Variants in PCDHA5 observed in about 807,000 individuals in gnomAD.
The protein encoded by PCDHA5 is protocadherin alpha 5, also known as protocadherin alpha-5.
Under a neutral mutation model 61.6 loss-of-function variants are expected in PCDHA5, and 43 were observed. The observed-to-expected ratio is 0.70, with a 90% CI of 0.55 to 0.90. The LOEUF (loss-of-function observed/expected upper bound fraction) is 0.90, where lower values mean the gene tolerates loss of function less well. Among genes scored for constraint, PCDHA5 ranks in the 40% least tolerant of loss-of-function variants. The pLI, the probability that PCDHA5 is intolerant of heterozygous loss-of-function variation, is 0.00. For missense variants in PCDHA5, 1,298 were observed against 1,222.7 expected (o/e 1.06, Z -0.92); for synonymous variants, 627 against 543.9 (o/e 1.15, Z -2.13).
chr5:140,875,694 T>C, intron 1 of PCDHA5: 1 of 1,614,008 alleles, frequency 6.2e-7, no homozygotes, highest in South Asian at 1.1e-5. Flanking sequence ...ACGGGGACCT[T>C]CTGGAGGTAA....
intron 1 of PCDHA5, among the ~76,000 whole-genome samples, chr5:140,837,580 TTGTAAATCGCCAA>T (rs1410482182): frequency 1.4e-4 from 22 of 151,942 alleles, no homozygotes; most frequent in Admixed American, 1.1e-3. Context: ...AATCACCAAA[TTGTAAATCGCCAA>T]TATATATATT....
chr5:140,892,218 T>C (rs182162644), intron 1 of PCDHA5, among the ~76,000 whole-genome samples: 23 of 152,308 alleles, frequency 1.5e-4, no homozygotes, highest in Admixed American at 1.4e-3. Context: ...ATTGTATCTT[T>C]ATGGTGTTTT....
chr5:140,937,868 C>T (rs1433466146), intron 1 of PCDHA5, among the ~76,000 whole-genome samples: 2 of 150,648 alleles, frequency 1.3e-5, no homozygotes, highest in Admixed American at 6.6e-5. Context: ...GCCGAGATCG[C>T]GCCACTGCAC....
chr5:140,978,103 A>T (rs2096789005), intron 1 of PCDHA5, among the ~76,000 whole-genome samples: 1 of 152,106 alleles, frequency 6.6e-6, no homozygotes, highest in South Asian at 2.1e-4. Context: ...AACTCCCCCA[A>T]CAGTCTTTAA....
rs2150125667 is a variant in PCDHA5 at position 140,823,416 on chromosome 5, C to A, written c.1641C>A (p.Asn547Lys). 4 of 1,613,276 alleles carry A rather than the reference C, an allele frequency of 2.5e-6. No individual in the cohort carries two copies. The highest frequency in any genetic ancestry group is 3.4e-6 in the Non-Finnish European group (4 of 1,179,816). Residue 547 changes from asparagine (N) to lysine (K), a missense_variant, in exon 1 of 4, where the codon AAC becomes AAA. Asn to Lys is a moderately conservative substitution (Grantham distance 94, BLOSUM62 0). Transcript: ENST00000529859. ...RDAGVPPLGSNVTLQVFVLDE... is the reference protein window; with the variant it reads ...RDAGVPPLGSKVTLQVFVLDE... ...CGGGCGTGCCGCCTCTGGGCAGCAA[C>A]GTGACGCTGCAGGTGTTCGTGCTGG...
At chr5:140,859,044 G>C (rs1228604447) in intron 1 of PCDHA5, 6 of 150,376 alleles carry the variant, frequency 4.0e-5, no homozygotes, top group Non-Finnish European at 7.4e-5. Context: ...CTTTAAAAAC[G>C]TTTTCCATTT....
intron 1 of PCDHA5, among the ~76,000 whole-genome samples, chr5:140,946,530 C>T (rs2093957873): frequency 6.6e-6 from 1 of 150,514 alleles, no homozygotes; most frequent in African/African-American, 2.5e-5. Context: ...CTCCCATGTT[C>T]ATTGCAGCAT....
At chr5:140,996,811 A>G (rs2097746792) in intron 3 of PCDHA5, among the ~76,000 whole-genome samples, 1 of 152,212 alleles carries the variant, frequency 6.6e-6, no homozygotes, top group African/African-American at 2.4e-5. Flanking sequence ...ATGCTTTCCA[A>G]AAGTAACCAC....
At chr5:140,838,902 A>G (rs1775938113) in intron 1 of PCDHA5, among the ~76,000 whole-genome samples, 1 of 152,028 alleles carries the variant, frequency 6.6e-6, no homozygotes, top group Non-Finnish European at 1.5e-5. Context: ...GTGACAGAGC[A>G]ATACCTTGCC....
intron 1 of PCDHA5, chr5:140,858,154 C>G (rs781842183): frequency 1.3e-6 from 2 of 1,597,814 alleles, no homozygotes; most frequent in African/African-American, 1.3e-5. Context: ...TCATCGCCAT[C>G]TGCGCGGTGT....
chr5:140,877,014 C>T, intron 1 of PCDHA5: 4 of 1,612,440 alleles, frequency 2.5e-6, no homozygotes, highest in Non-Finnish European at 2.5e-6. Flanking sequence ...ACGCGGAGAG[C>T]GGCAAGGTGT....
chr5:140,969,095 C>T, intron 1 of PCDHA5: 1 of 1,614,168 alleles, frequency 6.2e-7, no homozygotes, highest in East Asian at 2.2e-5. Flanking sequence ...AGTGCAGCCT[C>T]ACTTCATTGA....
chr5:140,911,033 G>A lies in PCDHA5; in HGVS notation c.2353-67916G>A, dbSNP rs188656147. 2.0e-3 allele frequency among the ~76,000 whole-genome samples: 306 copies of A among 152,188 alleles called. 2 individuals are homozygous for A. The highest frequency in any genetic ancestry group is 7.0e-3 in the African/African-American group (291 of 41,532). On this transcript the variant is annotated intron_variant, in intron 1 of 3. Transcript: ENST00000529859. ...GGACTTTAGTCTAGTTATAGGTCTA[G>A]AAGCAAACAGGGGTGGTGGGGGGTG...
intron 1 of PCDHA5, chr5:140,868,109 A>G (rs1371639409): frequency 6.6e-6 from 1 of 152,124 alleles, no homozygotes; most frequent in Non-Finnish European, 1.5e-5. Flanking sequence ...AATTTATTTT[A>G]TAGTTGAAAA....
At chr5:140,832,758 A>G (rs1554133636) in intron 1 of PCDHA5, among the ~76,000 whole-genome samples, 1 of 152,224 alleles carries the variant, frequency 6.6e-6, no homozygotes, top group Non-Finnish European at 1.5e-5. Flanking sequence ...AGTAAAAGCA[A>G]GAATATTGTA....
intron 3 of PCDHA5, among the ~76,000 whole-genome samples, chr5:140,998,111 T>A (rs1224150326): frequency 1.3e-5 from 2 of 152,108 alleles, no homozygotes; most frequent in African/African-American, 4.8e-5. Flanking sequence ...GAGGAGAAAA[T>A]TTACTTGTGA....
chr5:140,822,158 A>G lies in PCDHA5; in HGVS notation c.383A>G (p.Asn128Ser), dbSNP rs2150114176. 6.2e-7 allele frequency: 1 copy of G among 1,614,246 alleles called. No homozygotes were observed. Among genetic ancestry groups the G allele is most frequent in the East Asian group, 2.2e-5 (1 of 44,896 alleles). The change falls in exon 1 of 4, where the codon AAT becomes AGT. Residue 128 changes from asparagine to serine, a missense_variant. Physicochemically the swap from Asn to Ser is conservative, Grantham distance 46. Transcript: ENST00000529859. ...GTGGCAGTGAAGGACATCAATGACA[A>G]TCCGCCCAGGTTCTCCAGACAAGAA... is the stretch of plus-strand genomic sequence containing the variant. ...VEVAVKDIND[N>S]PPRFSRQEQR...
At chr5:140,866,125 C>T (rs577622922) in intron 1 of PCDHA5, 6 of 152,174 alleles carry the variant, frequency 3.9e-5, no homozygotes, top group East Asian at 1.9e-4. Flanking sequence ...ATAAGAACTA[C>T]GTATCTGTTG....
intron 1 of PCDHA5, chr5:140,830,214 C>G (rs2150182827): frequency 2.5e-6 from 4 of 1,613,730 alleles, no homozygotes; most frequent in Non-Finnish European, 3.4e-6. Flanking sequence ...TGCGCGGTAT[C>G]CAGCCTGCTG....
Sources: allele counts gnomAD v4.1 joint callset (sites outside exome capture counted in the v4.1 genomes callset), GRCh38; gene constraint gnomAD v4.1.1; transcripts MANE v1.5; gene names NCBI Gene and HGNC (gene_info 2026-07-23, HGNC 2026-07-21).